Variants in ADAMTS6 observed in about 807,000 individuals in gnomAD.
ADAMTS6 encodes A disintegrin and metalloproteinase with thrombospondin motifs 6.
ADAMTS6 carries 23 observed loss-of-function variants against 144.3 expected under a neutral mutation model. That is an observed-to-expected ratio of 0.16 (90% CI 0.11 to 0.23). The LOEUF is 0.23. Ranked by LOEUF, ADAMTS6 falls within the 10% of genes least tolerant of loss-of-function variation. The pLI, the probability that ADAMTS6 is intolerant of heterozygous loss-of-function variation, is 1.00. For missense variants in ADAMTS6, 999 were observed against 1,379.6 expected, an observed-to-expected ratio of 0.72 and a Z score of 4.37; for synonymous variants, 444 against 457.5, an observed-to-expected ratio of 0.97 and a Z score of 0.38.
chr5:65,408,731 T>C (rs186623864), intron 7 of ADAMTS6, among the ~76,000 whole-genome samples: 22 of 152,268 alleles, frequency 1.4e-4, no homozygotes, highest in Admixed American at 5.2e-4. Flanking sequence ...TATTCCAAAA[T>C]TGACCACATA....
At chr5:65,208,217 C>A (rs1004528053) in intron 20 of ADAMTS6, among the ~76,000 whole-genome samples, 7 of 152,154 alleles carry the variant, frequency 4.6e-5, no homozygotes, top group Non-Finnish European at 8.8e-5. Context: ...TTTTTGAAGA[C>A]TAAAACTTTT....
In ADAMTS6 at chr5:65,470,867, G is replaced by A; in HGVS notation, c.373C>T (p.His125Tyr). ...YWGKDGPQWKHDFLDNCHYTG... is the reference protein window; with the variant it reads ...YWGKDGPQWKYDFLDNCHYTG... ...TAATGACAGTTGTCTAAAAAATCAT[G>A]TTTCCACTGGGGTCCATCTTTCCCC... Residue 125 changes from histidine (H) to tyrosine (Y), a missense_variant, in exon 3 of 25, where the codon CAT becomes TAT. Coordinates refer to ENST00000381055, the MANE Select transcript of ADAMTS6 (RefSeq NM_197941.4). 6.2e-7 allele frequency: 1 copy of A among 1,609,138 alleles called. No homozygotes were observed. Among genetic ancestry groups the A allele is most frequent in the Non-Finnish European group, 8.5e-7 (1 of 1,178,736 alleles).
intron 7 of ADAMTS6, among the ~76,000 whole-genome samples, chr5:65,435,993 T>A (rs1266596925): frequency 2.0e-5 from 3 of 152,144 alleles, no homozygotes; most frequent in Non-Finnish European, 4.4e-5. Context: ...GTCAAATAAA[T>A]GGTGATGGTA....
intron 14 of ADAMTS6, among the ~76,000 whole-genome samples, 187 bp from the exon 15 acceptor site, chr5:65,242,393 A>T (rs939801255): frequency 6.6e-6 from 1 of 152,214 alleles, no homozygotes; most frequent in African/African-American, 2.4e-5. Context: ...TCTTAACTAT[A>T]GAAGATATAA....
rs972878041 is a variant in ADAMTS6, at chr5:65,197,033, G to A, written c.2694C>T (p.Pro898=). Residue 898 remains proline, a synonymous_variant, in exon 21 of 25, where the codon CCC becomes CCT. Coordinates refer to ENST00000381055, the MANE Select transcript of ADAMTS6 (RefSeq NM_197941.4). The part of the protein sequence containing the change: ...PENQRACNTE[P]CPPEWFIGDW... ...TTTCCCTTACTTACTCAGGTGGGCA[G>A]GGCTCAGTGTTGCAGGCTCTTTGAT... 2.5e-6 allele frequency: 4 copies of A among 1,612,660 alleles called. No individual in the cohort carries two copies. Among genetic ancestry groups the A allele is most frequent in the East Asian group, 4.5e-5 (2 of 44,876 alleles).
intron 21 of ADAMTS6, among the ~76,000 whole-genome samples, chr5:65,190,173 T>C (rs1234433023): frequency 2.6e-5 from 4 of 152,240 alleles, no homozygotes; most frequent in South Asian, 2.1e-4. Flanking sequence ...GTTTTTCAAA[T>C]TTAAATTATA....
intron 24 of ADAMTS6, among the ~76,000 whole-genome samples, chr5:65,159,130 T>G (rs1752599906): frequency 6.6e-6 from 1 of 152,162 alleles, no homozygotes; most frequent in South Asian, 2.1e-4. Context: ...GCTCTTTTTA[T>G]TCTCCTTTCA....
chr5:65,407,350 T>A (rs1323192697), intron 7 of ADAMTS6, among the ~76,000 whole-genome samples: 3 of 149,884 alleles, frequency 2.0e-5, no homozygotes, highest in Non-Finnish European at 3.0e-5. Flanking sequence ...TTTTTTTTTT[T>A]ATTATACTTT....
At chr5:65,323,053 A>G (rs1745778867) in intron 9 of ADAMTS6, among the ~76,000 whole-genome samples, 1 of 152,146 alleles carries the variant, frequency 6.6e-6, no homozygotes, top group Non-Finnish European at 1.5e-5. Context: ...TCTGATACCA[A>G]AACTGGACAA....
Position 65,170,711 on chromosome 5 carries a change from T to G in ADAMTS6, c.3150A>C (p.Gly1050=), listed in dbSNP as rs1753563786. Residue 1050 remains glycine (G), a synonymous_variant, in exon 24 of 25, where the codon GGA becomes GGC. Transcript: ENST00000381055. ...MRTVQCLSYT[G]QASSDCLETV... is the part of the protein sequence containing the mutation. ...TTTCTAGACAGTCACTAGATGCCTG[T>G]CCGGTGTAGGAGAGACACTGCACAG... The G allele has an allele frequency of 2.5e-6, 4 of 1,614,020 alleles. No individual in the cohort carries two copies. In the African/African-American group the frequency reaches 5.3e-5, roughly 22 times the overall value.
At chr5:65,272,311 A>T (rs752305458) in intron 12 of ADAMTS6, among the ~76,000 whole-genome samples, 16 of 152,204 alleles carry the variant, frequency 1.1e-4, no homozygotes, top group Non-Finnish European at 2.1e-4. Flanking sequence ...TAAAATTTTA[A>T]GAGTAGTACA....
At chr5:65,167,400 C>T (rs989775994) in intron 24 of ADAMTS6, among the ~76,000 whole-genome samples, 2 of 152,004 alleles carry the variant, frequency 1.3e-5, no homozygotes, top group Admixed American at 1.3e-4. Context: ...AATAGTTTAC[C>T]AACCAAAAAG....
chr5:65,452,384 C>A (rs1758823653), intron 5 of ADAMTS6, among the ~76,000 whole-genome samples, 168 bp from the exon 6 acceptor site: 1 of 149,784 alleles, frequency 6.7e-6, no homozygotes, highest in Admixed American at 6.7e-5. Flanking sequence ...GGTTTTTATA[C>A]AAGTCTACCT....
intron 7 of ADAMTS6, among the ~76,000 whole-genome samples, chr5:65,450,324 T>A (rs1580736158): frequency 6.6e-6 from 1 of 152,272 alleles, no homozygotes; most frequent in East Asian, 1.9e-4. Context: ...TTAAAAAAAT[T>A]CAGAAATTTC....
chr5:65,151,912 G>A lies in ADAMTS6; in HGVS notation c.3278C>T (p.Pro1093Leu). Reference sequence around the variant, plus strand: ...GCAGAACTTGAACTTCAGCACCAGTGGGCAATAAGCCACTTTATTCACATC... The same window carrying A: ...GCAGAACTTGAACTTCAGCACCAGTAGGCAATAAGCCACTTTATTCACATC... Reference protein sequence around the residue: ...CKDVNKVAYCPLVLKFKFCSR... With the variant: ...CKDVNKVAYCLLVLKFKFCSR... Residue 1093 changes from proline (P) to leucine (L), a missense_variant, in exon 25 of 25, where the codon CCA (proline) becomes CTA (leucine). Pro to Leu is a moderately conservative substitution (Grantham distance 98). Coordinates refer to ENST00000381055, the MANE Select transcript of ADAMTS6 (RefSeq NM_197941.4). 6.2e-7 allele frequency: 1 copy of A among 1,613,698 alleles called. No individual in the cohort carries two copies. Among genetic ancestry groups the A allele is most frequent in the Non-Finnish European group, 8.5e-7 (1 of 1,179,734 alleles).
chr5:65,202,398 AAGAGT>A (rs1224008868), intron 20 of ADAMTS6, among the ~76,000 whole-genome samples: 1 of 152,184 alleles, frequency 6.6e-6, no homozygotes, highest in Non-Finnish European at 1.5e-5. Context: ...CTTAGCTATT[AAGAGT>A]AATCTTTTCC....
intron 13 of ADAMTS6, 111 bp from the exon 14 acceptor site, chr5:65,260,774 T>C: frequency 1.4e-6 from 1 of 689,866 alleles, no homozygotes; most frequent in South Asian, 2.6e-5. Context: ...AAATATATCA[T>C]TTGACATGTT....
chr5:65,159,867 T>C (rs915851125), intron 24 of ADAMTS6, among the ~76,000 whole-genome samples: 4 of 152,216 alleles, frequency 2.6e-5, no homozygotes, highest in African/African-American at 4.8e-5. Flanking sequence ...TATGCACATA[T>C]ATGAAAAAGC....
intron 7 of ADAMTS6, among the ~76,000 whole-genome samples, chr5:65,344,784 G>C (rs982243559): frequency 6.6e-6 from 1 of 151,470 alleles, no homozygotes; most frequent in Admixed American, 6.6e-5. Flanking sequence ...TCTTATTTTC[G>C]TTTCCCAAAC....
Sources: allele counts gnomAD v4.1 joint callset (sites outside exome capture counted in the v4.1 genomes callset), GRCh38; gene constraint gnomAD v4.1.1; transcripts MANE v1.5; gene names NCBI Gene and HGNC (gene_info 2026-07-23, HGNC 2026-07-21).